ENOX1: variants seen among roughly 807,000 people sequenced by gnomAD.
ENOX1 encodes the protein ecto-NOX disulfide-thiol exchanger 1.
In ENOX1, 42 loss-of-function variants were observed where a neutral mutation model predicts 82.5. The observed-to-expected ratio is 0.51, with a 90% CI of 0.40 to 0.66. The LOEUF (loss-of-function observed/expected upper bound fraction) is 0.66. Among genes scored for constraint, ENOX1 ranks in the 30% least tolerant of loss-of-function variants. The probability of loss-of-function intolerance (pLI) is 0.00; values close to 1 mark genes in which losing one functional copy is unlikely to be tolerated. For synonymous variants in ENOX1, 271 were observed against 282.2 expected (o/e 0.96, Z 0.40); for missense variants, 608 against 811.6 (o/e 0.75, Z 3.05).
intron 1 of ENOX1, among the ~76,000 whole-genome samples, chr13:43,754,051 T>TATATACATATATACGTACATAAATACAC (rs71099849): frequency 8.5e-6 from 1 of 117,780 alleles, no homozygotes; most frequent in South Asian, 2.5e-4. Flanking sequence ...TAAATACACA[T>TATATACATATATACGTACATAAATACAC]ATATATACAT....
intron 2 of ENOX1, among the ~76,000 whole-genome samples, chr13:43,625,979 C>A (rs1422496134): frequency 1.3e-5 from 2 of 151,796 alleles, no homozygotes; most frequent in African/African-American, 4.8e-5. Flanking sequence ...CTGGATATTT[C>A]TTTGGGGGGA....
chr13:43,314,444 C>T (rs1011036391), intron 11 of ENOX1, among the ~76,000 whole-genome samples: 1 of 152,180 alleles, frequency 6.6e-6, no homozygotes, highest in South Asian at 2.1e-4. Flanking sequence ...TGTGTTCATG[C>T]AGTATCCCTA....
At chr13:43,738,184 A>G (rs2089723615) in intron 1 of ENOX1, among the ~76,000 whole-genome samples, 1 of 152,214 alleles carries the variant, frequency 6.6e-6, no homozygotes, top group African/African-American at 2.4e-5. Flanking sequence ...CCAAGCTTAA[A>G]GAGTACATAG....
chr13:43,338,846 C>A (rs373977098), intron 9 of ENOX1, among the ~76,000 whole-genome samples: 1 of 151,878 alleles, frequency 6.6e-6, no homozygotes. Flanking sequence ...CCACTGCCCC[C>A]GGCTAATTTT....
chr13:43,297,792 C>T (rs143673948), intron 12 of ENOX1, among the ~76,000 whole-genome samples: 1 of 152,028 alleles, frequency 6.6e-6, no homozygotes, highest in African/African-American at 2.4e-5. Flanking sequence ...ACAGCTATTG[C>T]CCTGTTTCTA....
intron 11 of ENOX1, among the ~76,000 whole-genome samples, chr13:43,321,432 T>TAC (rs977823090): frequency 1.3e-5 from 2 of 152,210 alleles, no homozygotes; most frequent in Non-Finnish European, 2.9e-5. Context: ...CTCGCACCCC[T>TAC]ACATTCTCTT....
chr13:43,286,239 A>G (rs1258331620), intron 12 of ENOX1, among the ~76,000 whole-genome samples: 1 of 152,250 alleles, frequency 6.6e-6, no homozygotes, highest in Non-Finnish European at 1.5e-5. Context: ...GACAATGGTC[A>G]GCGTGGTAGG....
intron 1 of ENOX1, among the ~76,000 whole-genome samples, chr13:43,745,583 T>C (rs1023323058): frequency 3.3e-5 from 5 of 152,158 alleles, no homozygotes; most frequent in African/African-American, 4.8e-5. Context: ...GTAAAAGAAA[T>C]AGAAACAACT....
In ENOX1 at chr13:43,345,213, T is replaced by C. The variant is rs559855227; in HGVS notation, c.824-463A>G. ...TTAGTATTAAAATGTGGAAGAAAGATTGGATTTTTTTAAAAGTGTTTGTAA... is the reference window on the plus strand; with the variant it reads ...TTAGTATTAAAATGTGGAAGAAAGACTGGATTTTTTTAAAAGTGTTTGTAA... On this transcript the variant is annotated intron_variant, in intron 8 of 16. Transcript: ENST00000690772. Among the ~76,000 whole-genome samples, 14 of 152,362 alleles carry C rather than the reference T, an allele frequency of 9.2e-5. No homozygotes were observed. The East Asian group carries it at 9.6e-4, about 10-fold the overall frequency.
At chr13:43,300,477 A>G (rs573119132) in intron 11 of ENOX1, among the ~76,000 whole-genome samples, 74 of 152,312 alleles carry the variant, frequency 4.9e-4, no homozygotes, top group African/African-American at 1.7e-3. Context: ...GGGCTTTGGA[A>G]GATGAAAACC....
chr13:43,356,600 A>G (rs936257438), intron 7 of ENOX1, among the ~76,000 whole-genome samples: 4 of 152,192 alleles, frequency 2.6e-5, no homozygotes, highest in African/African-American at 9.7e-5. Context: ...ATATGAGTAA[A>G]TAAAGAGCAT....
intron 1 of ENOX1, among the ~76,000 whole-genome samples, chr13:43,739,519 A>G (rs2089795672): frequency 6.6e-6 from 1 of 152,016 alleles, no homozygotes; most frequent in Admixed American, 6.6e-5. Context: ...ACTGCACTCC[A>G]GCCTGGGCAA....
At chr13:43,508,307 T>TG (rs2077247872) in intron 2 of ENOX1, among the ~76,000 whole-genome samples, 1 of 151,996 alleles carries the variant, frequency 6.6e-6, no homozygotes, top group Non-Finnish European at 1.5e-5. Context: ...TCCTCTTCTA[T>TG]GTGAGGATGC....
At chr13:43,610,847 A>G (rs1404409905) in intron 2 of ENOX1, among the ~76,000 whole-genome samples, 1 of 152,240 alleles carries the variant, frequency 6.6e-6, no homozygotes, top group African/African-American at 2.4e-5. Flanking sequence ...AAAAACAAAT[A>G]AAATTGCTCA....
chr13:43,644,411 A>T (rs2083802624), intron 2 of ENOX1, among the ~76,000 whole-genome samples: 1 of 152,192 alleles, frequency 6.6e-6, no homozygotes, highest in South Asian at 2.1e-4. Flanking sequence ...AGCATCTAAC[A>T]ATTTATGAGC....
intron 3 of ENOX1, among the ~76,000 whole-genome samples, chr13:43,464,708 T>C (rs1384399935): frequency 6.6e-6 from 1 of 152,190 alleles, no homozygotes; most frequent in Non-Finnish European, 1.5e-5. Context: ...CTGGTACGTT[T>C]GTGACAACTA....
intron 11 of ENOX1, among the ~76,000 whole-genome samples, chr13:43,303,157 C>T (rs2046676613): frequency 6.6e-6 from 1 of 152,308 alleles, no homozygotes; most frequent in Admixed American, 6.5e-5. Context: ...TCATTGGCTG[C>T]TACCCAGGAA....
At chr13:43,491,794 G>C (rs993558670) in intron 2 of ENOX1, among the ~76,000 whole-genome samples, 2 of 152,052 alleles carry the variant, frequency 1.3e-5, no homozygotes, top group Non-Finnish European at 2.9e-5. Flanking sequence ...TAAATGCATA[G>C]ATGAGATAAT....
At chr13:43,725,275 A>G (rs568835318) in intron 1 of ENOX1, among the ~76,000 whole-genome samples, 1 of 152,276 alleles carries the variant, frequency 6.6e-6, no homozygotes, top group African/African-American at 2.4e-5. Context: ...ACTACCAGCC[A>G]ATCACTCTGA....
Sources: gnomAD v4.1 joint callset for allele counts (sites outside exome capture counted in the v4.1 genomes callset) on GRCh38, gnomAD v4.1.1 for gene constraint, MANE v1.5 for transcripts, NCBI Gene and HGNC (gene_info 2026-07-23, HGNC 2026-07-21) for gene names.